Variants in MAPK10 observed in about 807,000 individuals in gnomAD.
MAPK10 encodes the protein mitogen-activated protein kinase 10, also known as JNK3 alpha protein kinase.
A neutral mutation model predicts 59.3 loss-of-function variants in MAPK10; 25 were observed. That is an observed-to-expected ratio of 0.42 (90% CI 0.31 to 0.59). MAPK10 has a LOEUF of 0.59. MAPK10 is among the 20% of genes least tolerant of loss of function. The pLI, the probability that MAPK10 is intolerant of heterozygous loss-of-function variation, is 0.15. For synonymous variants in MAPK10, 190 were observed against 200.5 expected (o/e 0.95, Z 0.44); for missense variants, 351 against 568.9 (o/e 0.62, Z 3.90).
chr4:86,466,895 G>A (rs1364325517), intron 1 of MAPK10, among the ~76,000 whole-genome samples: 2 of 152,152 alleles, frequency 1.3e-5, no homozygotes, highest in African/African-American at 4.8e-5. Flanking sequence ...ATGTGATATT[G>A]AAACAGAAGC....
At chr4:86,305,214 G>C (rs952339508) in intron 2 of MAPK10, among the ~76,000 whole-genome samples, 2 of 152,000 alleles carry the variant, frequency 1.3e-5, no homozygotes, top group African/African-American at 2.4e-5. Flanking sequence ...TTATAATAAT[G>C]TGATATATAA....
intron 3 of MAPK10, among the ~76,000 whole-genome samples, chr4:86,177,393 T>C (rs1398104454): frequency 6.6e-6 from 1 of 152,136 alleles, no homozygotes; most frequent in African/African-American, 2.4e-5. Context: ...TTACTTCTCA[T>C]GTTGGTATAG....
At chr4:86,363,557 T>C (rs1180994703), upstream of MAPK10, among the ~76,000 whole-genome samples, 4 of 152,210 alleles carry the variant, frequency 2.6e-5, no homozygotes, top group African/African-American at 9.6e-5. Flanking sequence ...TTATGGAGAA[T>C]ATTGTGATAT....
At chr4:86,194,602 C>G (rs2080842690) in intron 2 of MAPK10, among the ~76,000 whole-genome samples, 195 bp from the exon 3 acceptor site, 1 of 151,968 alleles carries the variant, frequency 6.6e-6, no homozygotes, top group South Asian at 2.1e-4. Context: ...AATGTCCTAT[C>G]TTTTATAATG....
intron 5 of MAPK10, 124 bp from the exon 6 acceptor site, chr4:86,103,368 G>C: frequency 1.6e-6 from 1 of 607,898 alleles, no homozygotes; most frequent in Non-Finnish European, 2.9e-6. Context: ...GGAGAAGTTG[G>C]AAAAATGTCT....
intron 1 of MAPK10, among the ~76,000 whole-genome samples, chr4:86,415,960 T>C (rs996381734): frequency 6.6e-6 from 1 of 152,190 alleles, no homozygotes; most frequent in Non-Finnish European, 1.5e-5. Flanking sequence ...AGCTGGATGA[T>C]CTTGGTAAAA....
rs2051811274 is a variant in MAPK10 at position 86,086,245 on chromosome 4, A to G, written c.802+12279T>C. The stretch of plus-strand genomic sequence containing the variant: ...TAGACAGTAGAAGGATGGTTACCAG[A>G]GGCTGGAAAGGATAGCAGAGGAGGT... On this transcript the variant is annotated intron_variant, in intron 9 of 13. Transcript: ENST00000641462. Among the ~76,000 whole-genome samples, 4 of 152,156 alleles carry G rather than the reference A, an allele frequency of 2.6e-5. No individual in the cohort carries two copies. The South Asian group carries it at 8.3e-4, about 32-fold the overall frequency.
At chr4:86,326,044 A>C (rs2148902235) in intron 2 of MAPK10, 1 of 152,312 alleles carries the variant, frequency 6.6e-6, no homozygotes. Flanking sequence ...AGCTACTGGG[A>C]CCAAGAAAAT....
At chr4:86,179,269 A>G (rs1481113860) in intron 3 of MAPK10, among the ~76,000 whole-genome samples, 2 of 152,078 alleles carry the variant, frequency 1.3e-5, no homozygotes, top group East Asian at 3.9e-4. Context: ...AATAGTACAC[A>G]AACAATAAAA....
At chr4:86,493,005 G>A (rs778794139) in intron 1 of MAPK10, among the ~76,000 whole-genome samples, 2 of 152,192 alleles carry the variant, frequency 1.3e-5, no homozygotes, top group Non-Finnish European at 2.9e-5. Flanking sequence ...TAACTTAGTA[G>A]TATGCACCTG....
intron 1 of MAPK10, among the ~76,000 whole-genome samples, chr4:86,384,925 T>C (rs922330150): frequency 3.9e-5 from 6 of 152,118 alleles, no homozygotes; most frequent in Non-Finnish European, 8.8e-5. Context: ...TAAACAGATA[T>C]GATACATTTA....
intron 2 of MAPK10, among the ~76,000 whole-genome samples, chr4:86,294,607 T>A (rs2095311048): frequency 1.3e-5 from 2 of 152,318 alleles, no homozygotes; most frequent in South Asian, 2.1e-4. Context: ...ATTGTGTTGT[T>A]TGAAAGAATG....
intron 1 of MAPK10, among the ~76,000 whole-genome samples, chr4:86,375,110 G>C (rs931884136): frequency 1.3e-5 from 2 of 152,182 alleles, no homozygotes; most frequent in South Asian, 2.1e-4. Context: ...ACAGTGATGG[G>C]AATAAAGCAA....
At chr4:86,103,075 C>CTGTGTATGTGTGTGTG in intron 6 of MAPK10, 111 bp downstream of exon 6, 1 of 496,826 alleles carries the variant, frequency 2.0e-6, no homozygotes, top group Non-Finnish European at 3.6e-6. Context: ...GATTTCAACT[C>CTGTGTATGTGTGTGTG]TGTGTGTGTG....
chr4:86,416,420 A>G lies in MAPK10; in HGVS notation c.-122+36610T>C, dbSNP rs183376967. Among the ~76,000 whole-genome samples, 5 of 152,362 alleles carry G rather than the reference A, an allele frequency of 3.3e-5. No homozygotes were observed. In the East Asian group the frequency reaches 9.6e-4, roughly 29 times the overall value. On this transcript the variant is annotated intron_variant, in intron 1 of 13. Transcript: ENST00000361569. Reference sequence around the variant, plus strand: ...GGTGTTGTCAAAACTGAATGCATTAATGCGTCTAGGGCCTGGGATGAGGTA... The same window carrying G: ...GGTGTTGTCAAAACTGAATGCATTAGTGCGTCTAGGGCCTGGGATGAGGTA...
intron 9 of MAPK10, chr4:86,089,172 AC>A: frequency 1.3e-6 from 2 of 1,532,554 alleles, no homozygotes; most frequent in Non-Finnish European, 1.8e-6. Flanking sequence ...TGAGAGTGAC[AC>A]CCATAGATAC....
chr4:86,332,416 T>C lies in MAPK10; in HGVS notation c.-7+22114A>G, dbSNP rs535612729. ...TTAGGATTGGGAAGAAAAAAATGTG[T>C]AGAATCAACATGCTTTAACATTCAA... On this transcript the variant is annotated intron_variant, in intron 2 of 13. Coordinates refer to ENST00000641462, the MANE Select transcript of MAPK10 (RefSeq NM_138982.4). The C allele has an allele frequency of 2.0e-5, 3 of 152,282 alleles. No individual in the cohort carries two copies. The South Asian group carries it at 6.2e-4, about 32-fold the overall frequency. The allele number at this position is 152,282 out of a possible 1,614,324, so 9.4% of individuals were successfully genotyped here.
At chr4:86,576,662 TA>T (rs765024338) in intron 1 of MAPK10, among the ~76,000 whole-genome samples, 10 of 151,510 alleles carry the variant, frequency 6.6e-5, no homozygotes, top group African/African-American at 9.7e-5. Flanking sequence ...TAGTCCCAGC[TA>T]ACTTGGGAGG....
intron 1 of MAPK10, among the ~76,000 whole-genome samples, chr4:86,540,520 C>T (rs1303222818): frequency 6.6e-6 from 1 of 151,878 alleles, no homozygotes; most frequent in Non-Finnish European, 1.5e-5. Context: ...AAAAACTGGG[C>T]AATTGAAAGA....
Sources: gnomAD v4.1 joint callset for allele counts (sites outside exome capture counted in the v4.1 genomes callset) on GRCh38, gnomAD v4.1.1 for gene constraint, MANE v1.5 for transcripts, NCBI Gene and HGNC (gene_info 2026-07-23, HGNC 2026-07-21) for gene names.